ZMIZ1: variants seen among roughly 807,000 people sequenced by gnomAD.
ZMIZ1 encodes the protein zinc finger MIZ-type containing 1.
A neutral mutation model predicts 113.9 loss-of-function variants in ZMIZ1; 17 were observed. The observed-to-expected ratio is 0.15, with a 90% CI of 0.10 to 0.22. The LOEUF is 0.22. Among genes scored for constraint, ZMIZ1 ranks in the 10% least tolerant of loss-of-function variants. The pLI is 1.00. For missense variants in ZMIZ1, 1,059 were observed against 1,477.8 expected, an observed-to-expected ratio of 0.72 and a Z score of 4.65; for synonymous variants, 607 against 603.1, an observed-to-expected ratio of 1.01 and a Z score of -0.09.
chr10:79,305,980 G>T, intron 21 of ZMIZ1, 120 bp from the exon 22 acceptor site: 2 of 1,447,286 alleles, frequency 1.4e-6, no homozygotes, highest in Non-Finnish European at 1.9e-6. Flanking sequence ...TCCACAGTGT[G>T]GTGAGAGTGG....
At chr10:79,115,318 G>A (rs1018005992) in intron 1 of ZMIZ1, among the ~76,000 whole-genome samples, 4 of 152,162 alleles carry the variant, frequency 2.6e-5, no homozygotes, top group African/African-American at 9.7e-5. Flanking sequence ...GTGTTTCCTG[G>A]GATCTGATGT....
rs369481123 is a variant in ZMIZ1 at position 79,307,535 on chromosome 10, C to T, written c.2799C>T (p.Ala933=). The change falls in exon 23 of 25, where the codon GCC becomes GCT. Residue 933 remains alanine (A), a synonymous_variant. Coordinates refer to ENST00000334512, the MANE Select transcript of ZMIZ1 (RefSeq NM_020338.4). ...HPPDMPNNMA[A]LEKPLSHPMQ... The stretch of plus-strand genomic sequence containing the variant: ...CGGACATGCCCAACAACATGGCCGC[C>T]CTCGAGAAACCCCTCAGCCACCCCA... 1.2e-4 allele frequency: 188 copies of T among 1,612,220 alleles called. No individual in the cohort carries two copies. Among genetic ancestry groups the T allele is most frequent in the Non-Finnish European group, 1.5e-4 (182 of 1,179,244 alleles).
intron 7 of ZMIZ1, among the ~76,000 whole-genome samples, chr10:79,242,334 C>T (rs1445565077): frequency 6.6e-6 from 1 of 152,052 alleles, no homozygotes; most frequent in South Asian, 2.1e-4. Context: ...GCCGCCAGCT[C>T]CTGGTCACAG....
Position 79,164,414 on chromosome 10 carries a change from G to T in ZMIZ1, c.-50+2281G>T, listed in dbSNP as rs565465608. Among the ~76,000 whole-genome samples, 4 of 147,332 alleles carry T rather than the reference G, an allele frequency of 2.7e-5. No homozygotes were observed. In the East Asian group the frequency reaches 8.0e-4, roughly 30 times the overall value. On this transcript the variant is annotated intron_variant, in intron 4 of 24. Coordinates refer to ENST00000334512, the MANE Select transcript of ZMIZ1 (RefSeq NM_020338.4). Reference sequence around the variant, plus strand: ...TTGATATTCTGTTAATTGAGTGAGTGAGTGAGTGAGTGAGTGAGTGAGTGA... The same window carrying T: ...TTGATATTCTGTTAATTGAGTGAGTTAGTGAGTGAGTGAGTGAGTGAGTGA...
In ZMIZ1 at chr10:79,181,864, A is replaced by G. The variant is rs1165281520; in HGVS notation, c.-49-19720A>G. Among the ~76,000 whole-genome samples the G allele has an allele frequency of 2.0e-5, 3 of 152,064 alleles. No individual in the cohort carries two copies. In the East Asian group the frequency reaches 5.8e-4, roughly 29 times the overall value. On this transcript the variant is annotated intron_variant, in intron 4 of 24. Coordinates refer to ENST00000334512, the MANE Select transcript of ZMIZ1 (RefSeq NM_020338.4). ...TGTCCCGGCCCGCCTCCCAGCCACCACCACCACAGCCACCGCCCGGCTCCC... is the reference window on the plus strand; with the variant it reads ...TGTCCCGGCCCGCCTCCCAGCCACCGCCACCACAGCCACCGCCCGGCTCCC...
intron 8 of ZMIZ1, among the ~76,000 whole-genome samples, chr10:79,283,974 GA>G (rs1852900331): frequency 6.6e-6 from 1 of 152,218 alleles, no homozygotes; most frequent in African/African-American, 2.4e-5. Context: ...CTGGATCAGG[GA>G]AATTAATTAG....
chr10:79,159,010 G>T (rs76518691), intron 3 of ZMIZ1, among the ~76,000 whole-genome samples: 1 of 152,226 alleles, frequency 6.6e-6, no homozygotes, highest in Non-Finnish European at 1.5e-5. Context: ...AGAAGCTGCC[G>T]TGTGGTCAGG....
chr10:79,134,270 G>A (rs145764910), intron 2 of ZMIZ1, among the ~76,000 whole-genome samples: 3 of 152,344 alleles, frequency 2.0e-5, no homozygotes, highest in Non-Finnish European at 2.9e-5. Context: ...CTCACTCACC[G>A]CTTCTGTATA....
At chr10:79,190,573 T>TA (rs1290481300) in intron 4 of ZMIZ1, among the ~76,000 whole-genome samples, 1 of 152,088 alleles carries the variant, frequency 6.6e-6, no homozygotes, top group Non-Finnish European at 1.5e-5. Context: ...TTTTAGAAAT[T>TA]AAAAAATATA....
chr10:79,080,063 C>G (rs1420591326), intron 1 of ZMIZ1, among the ~76,000 whole-genome samples: 1 of 152,186 alleles, frequency 6.6e-6, no homozygotes, highest in Non-Finnish European at 1.5e-5. Context: ...CCTGGGGCCT[C>G]CAGAGAGCCG....
intron 1 of ZMIZ1, among the ~76,000 whole-genome samples, chr10:79,076,329 C>G (rs1027492420): frequency 7.2e-5 from 11 of 152,170 alleles, no homozygotes; most frequent in Non-Finnish European, 1.5e-4. Context: ...AATAAATGCT[C>G]TTCGGGTCTG....
intron 7 of ZMIZ1, among the ~76,000 whole-genome samples, chr10:79,275,479 C>A (rs373442807): frequency 3.9e-5 from 6 of 152,368 alleles, no homozygotes; most frequent in African/African-American, 1.4e-4. Context: ...GCAAGCAGCT[C>A]TGGCGACTTC....
At chr10:79,305,353 C>A in intron 20 of ZMIZ1, 122 bp downstream of exon 20, 1 of 1,293,036 alleles carries the variant, frequency 7.7e-7, no homozygotes, top group Non-Finnish European at 1.1e-6. Flanking sequence ...GGCAGAGGGG[C>A]TCAGGTTATG....
chr10:79,218,230 T>G (rs1247889861), intron 7 of ZMIZ1, among the ~76,000 whole-genome samples: 1 of 152,106 alleles, frequency 6.6e-6, no homozygotes, highest in Non-Finnish European at 1.5e-5. Flanking sequence ...TCCCAGCACT[T>G]TGGGAGGCTC....
At position 79,297,660 on chromosome 10, in the gene ZMIZ1, C is replaced by T. The variant is rs947435578; in HGVS notation, c.1461C>T (p.Tyr487=). Residue 487 remains tyrosine, a synonymous_variant, in exon 14 of 25, where the codon TAC becomes TAT. Transcript: ENST00000334512. ...ATAACACGTTCTCGGGAAGCAGCTA[C>T]AGTAACTACAGCCAAGGGAATGTCA... is the stretch of plus-strand genomic sequence containing the variant. The part of the protein sequence containing the change: ...GQNNTFSGSS[Y]SNYSQGNVNR... 1 of 1,614,114 alleles carries T rather than the reference C, an allele frequency of 6.2e-7. No individual in the cohort carries two copies. Among genetic ancestry groups the T allele is most frequent in the Admixed American group, 1.7e-5 (1 of 60,014 alleles).
intron 7 of ZMIZ1, among the ~76,000 whole-genome samples, chr10:79,272,737 G>A (rs1237890643): frequency 6.6e-6 from 1 of 152,256 alleles, no homozygotes; most frequent in African/African-American, 2.4e-5. Flanking sequence ...GATGCAGTTT[G>A]GAGAGGTGAG....
At chr10:79,292,100 C>T (rs1286513339) in intron 10 of ZMIZ1, 58 bp from the exon 11 acceptor site, 3 of 1,512,010 alleles carry the variant, frequency 2.0e-6, no homozygotes, top group South Asian at 1.2e-5. Context: ...CACAGCTTGC[C>T]CTCAGTTCCC....
intron 8 of ZMIZ1, among the ~76,000 whole-genome samples, chr10:79,283,690 C>T (rs1852884587): frequency 6.6e-6 from 1 of 152,234 alleles, no homozygotes; most frequent in Admixed American, 6.5e-5. Flanking sequence ...TAAATCCCTG[C>T]ACCATCAGTT....
intron 7 of ZMIZ1, among the ~76,000 whole-genome samples, chr10:79,252,885 A>G (rs189529142): frequency 6.6e-6 from 1 of 152,340 alleles, no homozygotes; most frequent in African/African-American, 2.4e-5. Context: ...CAAGTTCATA[A>G]CTATGACTAT....
Sources: allele counts gnomAD v4.1 joint callset (sites outside exome capture counted in the v4.1 genomes callset), GRCh38; gene constraint gnomAD v4.1.1; transcripts MANE v1.5; gene names NCBI Gene and HGNC (gene_info 2026-07-23, HGNC 2026-07-21).